UNC13C: variants seen among roughly 807,000 people sequenced by gnomAD.
UNC13C encodes unc-13 homolog C.
In UNC13C, 174 loss-of-function variants were observed where a neutral mutation model predicts 245.4. The observed-to-expected ratio is 0.71, with a 90% CI of 0.63 to 0.80. UNC13C has a LOEUF of 0.80. UNC13C is among the 30% of genes least tolerant of loss of function. The pLI, the probability that UNC13C is intolerant of heterozygous loss-of-function variation, is 0.00. For synonymous variants in UNC13C, 992 were observed against 895.1 expected (o/e 1.11, Z -1.93); for missense variants, 2,829 against 2,602.9 (o/e 1.09, Z -1.89).
chr15:54,526,604 C>T (rs967913989), intron 25 of UNC13C, among the ~76,000 whole-genome samples: 2 of 151,708 alleles, frequency 1.3e-5, no homozygotes, highest in African/African-American at 4.8e-5. Context: ...AGTAGCCGGG[C>T]GTGGTGACGG....
chr15:53,906,890 G>A, the UNC13C span, among the ~76,000 whole-genome samples: 2 of 152,274 alleles, frequency 1.3e-5, no homozygotes, highest in Admixed American at 1.3e-4. Context: ...AGTGAAGGAA[G>A]AACTTCCAAA....
At chr15:54,034,515 T>C (rs1307483404) in intron 2 of UNC13C, among the ~76,000 whole-genome samples, 1 of 152,194 alleles carries the variant, frequency 6.6e-6, no homozygotes, top group Admixed American at 6.5e-5. Flanking sequence ...GAAATATAAT[T>C]GTTTCTCTCA....
intron 4 of UNC13C, among the ~76,000 whole-genome samples, chr15:54,210,872 C>T (rs377497690): frequency 1.1e-4 from 16 of 152,196 alleles, no homozygotes; most frequent in Middle Eastern, 6.8e-3. Context: ...ATGCAGGACA[C>T]GCGGTGGACT....
intron 29 of UNC13C, among the ~76,000 whole-genome samples, chr15:54,563,414 A>G (rs754120881): frequency 1.3e-5 from 2 of 152,002 alleles, no homozygotes; most frequent in African/African-American, 2.4e-5. Context: ...CTTTTCTTCA[A>G]TAAGGAGGAA....
chr15:54,596,344 G>A (rs530901948), intron 30 of UNC13C, among the ~76,000 whole-genome samples: 1 of 152,094 alleles, frequency 6.6e-6, no homozygotes, highest in Admixed American at 6.6e-5. Context: ...TTTCCCGCAA[G>A]GAAGGTGACT....
At chr15:53,975,503 C>T (rs147895566), upstream of UNC13C, among the ~76,000 whole-genome samples, 223 of 152,222 alleles carry the variant, frequency 1.5e-3, no homozygotes, top group African/African-American at 5.3e-3. Context: ...AAATAAAGAT[C>T]GAGGTTTTCT....
upstream of UNC13C, chr15:53,975,031 C>T (rs948840250): frequency 6.6e-6 from 1 of 152,192 alleles, no homozygotes; most frequent in African/African-American, 2.4e-5. Flanking sequence ...GCTTGAGTAT[C>T]CTCATGACAT....
At chr15:54,139,822 T>A (rs1005096346) in intron 2 of UNC13C, among the ~76,000 whole-genome samples, 11 of 152,158 alleles carry the variant, frequency 7.2e-5, no homozygotes, top group Non-Finnish European at 1.2e-4. Flanking sequence ...CTTTCTTCCT[T>A]TAACTATTCT....
intron 1 of UNC13C, among the ~76,000 whole-genome samples, chr15:54,003,808 C>T (rs1237613215): frequency 2.0e-5 from 3 of 152,204 alleles, no homozygotes; most frequent in South Asian, 2.1e-4. Flanking sequence ...GTCAGGAGAT[C>T]GAGACCATCC....
the UNC13C span, among the ~76,000 whole-genome samples, chr15:53,896,873 T>G: frequency 2.0e-5 from 3 of 152,148 alleles, no homozygotes; most frequent in Admixed American, 6.6e-5. Context: ...CCCGGGACAC[T>G]GATGACCTCA....
At chr15:54,569,594 T>TTGTGTG (rs562796527) in intron 30 of UNC13C, among the ~76,000 whole-genome samples, 1 of 149,740 alleles carries the variant, frequency 6.7e-6, no homozygotes, top group African/African-American at 2.5e-5. Flanking sequence ...GTATGTTTGT[T>TTGTGTG]TGTGTGTGTG....
chr15:53,947,058 T>TA, the UNC13C span, among the ~76,000 whole-genome samples: 3 of 152,342 alleles, frequency 2.0e-5, no homozygotes, highest in South Asian at 6.2e-4. Flanking sequence ...TTCAATTTTT[T>TA]ATCTTTTGTT....
chr15:53,869,547 T>G, the UNC13C span, among the ~76,000 whole-genome samples: 85 of 152,234 alleles, frequency 5.6e-4, no homozygotes, highest in African/African-American at 2.0e-3. Flanking sequence ...TATTTAATTA[T>G]TAATTAGTAA....
At position 54,059,096 on chromosome 15, in the gene UNC13C, T is replaced by G. The variant is rs558427427; in HGVS notation, c.2983+43210T>G. 1.6e-4 allele frequency among the ~76,000 whole-genome samples: 24 copies of G among 152,240 alleles called. No individual in the cohort carries two copies. The East Asian group carries it at 4.6e-3, about 29-fold the overall frequency. ...TTTACCCCTCCTATTCAACATAGTG[T>G]TGGAAGTTCTGGCCAGGGCAATCAG... On this transcript the variant is annotated intron_variant, in intron 2 of 32. Coordinates refer to ENST00000260323, the MANE Select transcript of UNC13C (RefSeq NM_001080534.3).
At chr15:54,172,703 G>C (rs368676511) in intron 4 of UNC13C, among the ~76,000 whole-genome samples, 22,079 of 78,504 alleles carry the variant, frequency 0.28, 3,579 homozygotes, top group Non-Finnish European at 0.36. Flanking sequence ...TACACACACA[G>C]ATATATATAT....
intron 10 of UNC13C, among the ~76,000 whole-genome samples, chr15:54,279,261 T>G (rs1485577461): frequency 6.6e-6 from 1 of 152,192 alleles, no homozygotes; most frequent in Non-Finnish European, 1.5e-5. Flanking sequence ...ACATTACTAT[T>G]TGTGAATTCT....
chr15:53,988,403 A>G (rs1216058712), intron 1 of UNC13C, among the ~76,000 whole-genome samples: 1 of 152,016 alleles, frequency 6.6e-6, no homozygotes, highest in East Asian at 1.9e-4. Flanking sequence ...ACATAAAAAA[A>G]TAACAAAATT....
intron 30 of UNC13C, among the ~76,000 whole-genome samples, chr15:54,613,924 T>C (rs1013250798): frequency 6.6e-6 from 1 of 151,986 alleles, no homozygotes; most frequent in Non-Finnish European, 1.5e-5. Context: ...GAAACTATTA[T>C]ACATTGCAAC....
chr15:54,165,969 A>G (rs761127694), intron 4 of UNC13C, among the ~76,000 whole-genome samples: 2 of 151,750 alleles, frequency 1.3e-5, no homozygotes, highest in Non-Finnish European at 2.9e-5. Flanking sequence ...TGCCATTTGC[A>G]TTTGTTATTT....
Sources: allele counts gnomAD v4.1 joint callset (sites outside exome capture counted in the v4.1 genomes callset), GRCh38; gene constraint gnomAD v4.1.1; transcripts MANE v1.5; gene names NCBI Gene and HGNC (gene_info 2026-07-23, HGNC 2026-07-21).